Variants in ZNF140 observed in about 807,000 individuals in gnomAD.
ZNF140 encodes the protein zinc finger protein 140 (clone pHZ-39).
ZNF140 carries 13 observed loss-of-function variants against 12.9 expected under a neutral mutation model. The observed-to-expected ratio is 1.01, with a 90% CI of 0.66 to 1.60. ZNF140 has a LOEUF of 1.60. Among genes scored for constraint, ZNF140 ranks in the 40% most tolerant of loss-of-function variants. ZNF140 has a pLI of 0.00. For missense variants in ZNF140, 531 were observed against 548.8 expected (o/e 0.97, Z 0.32); for synonymous variants, 214 against 186.7 (o/e 1.15, Z -1.19).
rs1394185242 is a variant in ZNF140, at chr12:133,083,126, G to C, written c.33G>C (p.Val11=). The C allele has an allele frequency of 6.2e-7, 1 of 1,614,126 alleles. No homozygotes were observed. ...AGGGGTCAGTGACATTCAGAGATGTGGCCATAGACTTCTCCCAGGAGGAGT... is the reference window on the plus strand; with the variant it reads ...AGGGGTCAGTGACATTCAGAGATGTCGCCATAGACTTCTCCCAGGAGGAGT... MSQGSVTFRD[V]AIDFSQEEWK... is the part of the protein sequence containing the mutation. Residue 11 remains valine, a synonymous_variant, in exon 3 of 5, where the codon GTG becomes GTC. Coordinates refer to ENST00000355557, the MANE Select transcript of ZNF140 (RefSeq NM_003440.4).
At chr12:133,081,456 A>T in intron 2 of ZNF140, 127 bp downstream of exon 2, 1 of 441,704 alleles carries the variant, frequency 2.3e-6, no homozygotes, top group Middle Eastern at 3.6e-4. Context: ...TGTAACCTCA[A>T]ACTCTTGGCC....
chr12:133,087,314 G>T (rs1303959645), intron 4 of ZNF140, among the ~76,000 whole-genome samples: 2 of 151,802 alleles, frequency 1.3e-5, no homozygotes, highest in Non-Finnish European at 2.9e-5. Context: ...AAAAAAAAAG[G>T]ATCAGCAAGT....
chr12:133,083,649 A>G, intron 4 of ZNF140, 88 bp downstream of exon 4: 1 of 1,319,090 alleles, frequency 7.6e-7, no homozygotes, highest in South Asian at 1.3e-5. Context: ...TGTTGATTGG[A>G]AAATTTTCCC....
At chr12:133,086,105 T>G (rs992854602) in intron 4 of ZNF140, among the ~76,000 whole-genome samples, 1 of 152,242 alleles carries the variant, frequency 6.6e-6, no homozygotes, top group African/African-American at 2.4e-5. Context: ...TTCGTTCTAC[T>G]ATTGAGGGCT....
intron 4 of ZNF140, among the ~76,000 whole-genome samples, chr12:133,086,021 T>A (rs1019396280): frequency 1.6e-4 from 25 of 152,214 alleles, no homozygotes; most frequent in African/African-American, 5.8e-4. Flanking sequence ...CCTATTTTTT[T>A]AAAAGTTAAA....
At position 133,105,981 on chromosome 12, in the gene ZNF140, A is replaced by G. The variant is rs1282219192; in HGVS notation, c.704A>G (p.His235Arg). The G allele has an allele frequency of 6.2e-7, 1 of 1,614,016 alleles. No homozygotes were observed. The highest frequency in any genetic ancestry group is 1.3e-5 in the African/African-American group (1 of 74,944). ...TFSYLSFLIEHQRTHTGEKPY... is the reference protein window; with the variant it reads ...TFSYLSFLIERQRTHTGEKPY... ...AGTTACCTTTCATTTCTTATTGAAC[A>G]CCAGAGAACGCACACTGGGGAGAAA... Residue 235 changes from histidine (H) to arginine (R), a missense_variant, in exon 5 of 5, where the codon CAC becomes CGC. Transcript: ENST00000355557.
chr12:133,102,377 A>G (rs1955379158), intron 4 of ZNF140, among the ~76,000 whole-genome samples: 1 of 152,166 alleles, frequency 6.6e-6, no homozygotes. Flanking sequence ...GAGTGAATAC[A>G]TCTAAAAAAT....
chr12:133,106,217 T>TCA lies in ZNF140; in HGVS notation c.944_945dup (p.Leu316ThrfsTer176). 6.2e-7 allele frequency: 1 copy of TCA among 1,614,202 alleles called. No individual in the cohort carries two copies. Among genetic ancestry groups the TCA allele is most frequent in the Middle Eastern group, 1.6e-4 (1 of 6,062 alleles). On this transcript the variant is annotated frameshift_variant, in exon 5 of 5. Transcript: ENST00000355557. LOFTEE classifies it low-confidence loss of function (END_TRUNC). The stretch of plus-strand genomic sequence containing the variant: ...ATGTGGGAAGGCATTTCGCCGTTTC[T>TCA]CACACCTTACTCGACATCAGAGCAT...
intron 4 of ZNF140, among the ~76,000 whole-genome samples, chr12:133,084,371 C>G (rs1215011593): frequency 6.6e-6 from 1 of 152,228 alleles, no homozygotes; most frequent in South Asian, 2.1e-4. Context: ...AAATTTTAAT[C>G]TTGTCAAATC....
intron 4 of ZNF140, among the ~76,000 whole-genome samples, chr12:133,102,711 T>C (rs1176524465): frequency 4.5e-5 from 5 of 110,796 alleles, no homozygotes; most frequent in African/African-American, 1.5e-4. Flanking sequence ...ATCGTGCCAC[T>C]GGACCCCAGC....
intron 4 of ZNF140, among the ~76,000 whole-genome samples, chr12:133,095,871 A>G (rs866468353): frequency 4.2e-3 from 620 of 147,618 alleles, no homozygotes; most frequent in Non-Finnish European, 5.2e-3. Context: ...CTGCAAACAT[A>G]TCTCGCCTCC....
chr12:133,105,705 C>G lies in ZNF140; in HGVS notation c.428C>G (p.Ser143Cys). 6.2e-7 allele frequency: 1 copy of G among 1,614,162 alleles called. No homozygotes were observed. The highest frequency in any genetic ancestry group is 8.5e-7 in the Non-Finnish European group (1 of 1,180,034). ...NQGCIRKVTV[S>C]HQEALAQHMN... is the part of the protein sequence containing the mutation. ...GGATGTATTAGGAAAGTAACAGTCT[C>G]TCATCAAGAAGCCCTGGCTCAACAT... Residue 143 changes from serine to cysteine, a missense_variant, in exon 5 of 5, where the codon TCT becomes TGT. By Grantham distance (112) the Ser-to-Cys change is moderately radical. Coordinates refer to ENST00000355557, the MANE Select transcript of ZNF140 (RefSeq NM_003440.4).
intron 4 of ZNF140, among the ~76,000 whole-genome samples, chr12:133,085,054 C>T (rs11615893): frequency 0.13 from 19,889 of 151,198 alleles, 1,666 homozygotes; most frequent in South Asian, 0.22. Flanking sequence ...GACGAAGTCT[C>T]GCTCTTGCCC....
chr12:133,081,224 C>T, intron 1 of ZNF140, 49 bp from the exon 2 acceptor site: 9 of 934,106 alleles, frequency 9.6e-6, no homozygotes, highest in Admixed American at 2.1e-5. Flanking sequence ...GTGACTTGGG[C>T]GCGGCCTAGC....
intron 4 of ZNF140, among the ~76,000 whole-genome samples, chr12:133,103,029 T>G (rs1955413614): frequency 6.7e-6 from 1 of 148,440 alleles, no homozygotes; most frequent in African/African-American, 2.6e-5. Context: ...TTTTTTCTTC[T>G]TTTTAATTGA....
chr12:133,093,922 CTG>C (rs1954982240), intron 4 of ZNF140, among the ~76,000 whole-genome samples: 1 of 151,220 alleles, frequency 6.6e-6, no homozygotes, highest in Admixed American at 6.6e-5. Context: ...TCTCTGATCT[CTG>C]TCTTTTCCAG....
Position 133,081,451 on chromosome 12 carries a change from C to T in ZNF140, c.9+122C>T, listed in dbSNP as rs1954500104. Reference sequence around the variant, plus strand: ...GTGGAGCGATCATAGCATCCTGTAACCTCAAACTCTTGGCCTCAAGTGAGC... The same window carrying T: ...GTGGAGCGATCATAGCATCCTGTAATCTCAAACTCTTGGCCTCAAGTGAGC... On this transcript the variant is annotated intron_variant, in intron 2 of 4. Coordinates refer to ENST00000355557, the MANE Select transcript of ZNF140 (RefSeq NM_003440.4). The T allele has an allele frequency of 6.8e-6, 3 of 439,100 alleles. No homozygotes were observed. In the Admixed American group the frequency reaches 7.5e-5, roughly 11 times the overall value. The allele number at this position is 439,100 out of a possible 1,614,324, so 27.2% of individuals were successfully genotyped here.
At chr12:133,098,203 A>G (rs1955210461) in intron 4 of ZNF140, among the ~76,000 whole-genome samples, 1 of 151,844 alleles carries the variant, frequency 6.6e-6, no homozygotes, top group Non-Finnish European at 1.5e-5. Flanking sequence ...TATTGATTAT[A>G]CTTCTTTTTC....
intron 4 of ZNF140, among the ~76,000 whole-genome samples, chr12:133,100,684 T>G (rs2137565307): frequency 6.6e-6 from 1 of 152,298 alleles, no homozygotes; most frequent in African/African-American, 2.4e-5. Flanking sequence ...AGGAAGCACT[T>G]TGTAGCTTCT....
Sources: gnomAD v4.1 joint callset for allele counts (sites outside exome capture counted in the v4.1 genomes callset) on GRCh38, gnomAD v4.1.1 for gene constraint, MANE v1.5 for transcripts, NCBI Gene and HGNC (gene_info 2026-07-23, HGNC 2026-07-21) for gene names.